The following CSMD1 variants were observed in gnomAD, a reference collection of about 807,000 sequenced individuals.
CSMD1 encodes CUB and Sushi multiple domains 1.
A neutral mutation model predicts 417.5 loss-of-function variants in CSMD1; 213 were observed. The observed-to-expected ratio is 0.51, with a 90% confidence interval of 0.46 to 0.57. The LOEUF (loss-of-function observed/expected upper bound fraction) is 0.57, where lower values mean the gene tolerates loss of function less well. CSMD1 is among the 20% of genes least tolerant of loss of function. The pLI is 0.00. For synonymous variants in CSMD1, 2,862 were observed against 1,736.8 expected (o/e 1.65, Z -16.11); for missense variants, 6,923 against 4,529.7 (o/e 1.53, Z -15.17).
At chr8:3,543,035 G>A (rs1798506419) in intron 10 of CSMD1, among the ~76,000 whole-genome samples, 1 of 152,210 alleles carries the variant, frequency 6.6e-6, no homozygotes, top group African/African-American at 2.4e-5. Flanking sequence ...GTTTGTGGGT[G>A]TGTTCTGTCT....
intron 37 of CSMD1, among the ~76,000 whole-genome samples, chr8:3,178,986 C>G (rs963733908): frequency 6.9e-6 from 1 of 145,706 alleles, no homozygotes; most frequent in Non-Finnish European, 1.5e-5. Context: ...CTCACTCTGT[C>G]ACCCAGGCTG....
At chr8:4,287,580 T>A (rs577224225) in intron 3 of CSMD1, among the ~76,000 whole-genome samples, 1 of 152,192 alleles carries the variant, frequency 6.6e-6, no homozygotes, top group Non-Finnish European at 1.5e-5. Context: ...CTGCAAGCTT[T>A]TATTACCTTC....
At chr8:4,470,626 T>C (rs780313534) in intron 2 of CSMD1, among the ~76,000 whole-genome samples, 7 of 152,346 alleles carry the variant, frequency 4.6e-5, no homozygotes, top group East Asian at 1.9e-4. Flanking sequence ...ATGGCTTTCC[T>C]GTACGTTAAC....
chr8:3,177,075 G>C (rs961609375), intron 37 of CSMD1, among the ~76,000 whole-genome samples: 1 of 152,092 alleles, frequency 6.6e-6, no homozygotes, highest in Non-Finnish European at 1.5e-5. Context: ...ACCATGCCCA[G>C]CTTGGTGACC....
chr8:4,693,558 C>T (rs772969717), intron 1 of CSMD1, among the ~76,000 whole-genome samples: 4 of 152,180 alleles, frequency 2.6e-5, no homozygotes, highest in Non-Finnish European at 4.4e-5. Context: ...TTTAAATATG[C>T]ATCAATCAAA....
At chr8:4,089,759 G>A (rs1467622896) in intron 3 of CSMD1, among the ~76,000 whole-genome samples, 2 of 152,066 alleles carry the variant, frequency 1.3e-5, no homozygotes, top group Non-Finnish European at 2.9e-5. Flanking sequence ...CATTAGTTTG[G>A]GGGTATTTTT....
At chr8:3,075,918 G>C (rs886959055) in intron 49 of CSMD1, among the ~76,000 whole-genome samples, 3 of 151,582 alleles carry the variant, frequency 2.0e-5, no homozygotes, top group African/African-American at 7.3e-5. Context: ...GGGCGTGGTG[G>C]CGGGCGCCTG....
At chr8:4,780,260 T>A (rs1347520695) in intron 1 of CSMD1, among the ~76,000 whole-genome samples, 1 of 152,240 alleles carries the variant, frequency 6.6e-6, no homozygotes, top group African/African-American at 2.4e-5. Flanking sequence ...GTGTGCAGAT[T>A]GGCATGCTTT....
At chr8:3,605,180 C>T (rs1412388324) in intron 8 of CSMD1, among the ~76,000 whole-genome samples, 2 of 152,118 alleles carry the variant, frequency 1.3e-5, no homozygotes, top group Non-Finnish European at 2.9e-5. Context: ...TTAGTAGAAA[C>T]AGGGTTTCCC....
intron 5 of CSMD1, among the ~76,000 whole-genome samples, chr8:3,907,429 T>C (rs535261789): frequency 6.6e-6 from 1 of 152,176 alleles, no homozygotes; most frequent in East Asian, 1.9e-4. Flanking sequence ...CTTAGAATTT[T>C]TAGAGATAAA....
At chr8:4,581,857 C>A (rs1001066036) in intron 2 of CSMD1, among the ~76,000 whole-genome samples, 3 of 152,216 alleles carry the variant, frequency 2.0e-5, no homozygotes, top group Admixed American at 1.3e-4. Flanking sequence ...AATCTCTGGA[C>A]TCTTCTACCT....
At chr8:3,013,050 C>G (rs541489455) in intron 52 of CSMD1, among the ~76,000 whole-genome samples, 2 of 152,272 alleles carry the variant, frequency 1.3e-5, no homozygotes, top group South Asian at 4.1e-4. Flanking sequence ...GATTGTGAAG[C>G]CTCCCCAGCC....
At chr8:4,113,160 G>A (rs969224176) in intron 3 of CSMD1, among the ~76,000 whole-genome samples, 2 of 151,794 alleles carry the variant, frequency 1.3e-5, no homozygotes, top group Non-Finnish European at 2.9e-5. Flanking sequence ...CTCCCTCCTC[G>A]GGCCTTCCTA....
chr8:4,698,927 C>G (rs986373300), intron 1 of CSMD1, among the ~76,000 whole-genome samples: 6 of 151,864 alleles, frequency 4.0e-5, no homozygotes, highest in Non-Finnish European at 7.4e-5. Context: ...CACACACACA[C>G]ACACACACAC....
In CSMD1 at chr8:3,647,964, C is replaced by T. The variant is rs550124220; in HGVS notation, c.1010-31167G>A. ...TGTGCCACTTCATAAAGCAGTGATG[C>T]TTGCTGTAAACAGCAGGATTTTTCG... On this transcript the variant is annotated intron_variant, in intron 7 of 69. Coordinates refer to ENST00000635120, the MANE Select transcript of CSMD1 (RefSeq NM_033225.6). 3.9e-4 allele frequency among the ~76,000 whole-genome samples: 59 copies of T among 152,346 alleles called. 1 individual carries two copies. Among genetic ancestry groups the T allele is most frequent in the African/African-American group, 7.0e-4 (29 of 41,572 alleles).
chr8:3,406,813 G>C (rs760850959), intron 14 of CSMD1, among the ~76,000 whole-genome samples: 34 of 152,170 alleles, frequency 2.2e-4, no homozygotes, highest in Admixed American at 1.7e-3. Context: ...CATTTAAGTA[G>C]ATATTCTTAC....
chr8:4,258,643 T>C (rs1326086341), intron 3 of CSMD1, among the ~76,000 whole-genome samples: 1 of 128,944 alleles, frequency 7.8e-6, no homozygotes, highest in Non-Finnish European at 1.7e-5. Context: ...GGGCCCCACC[T>C]ACCCTCAGAA....
At chr8:3,224,271 T>G (rs1303527787) in intron 27 of CSMD1, among the ~76,000 whole-genome samples, 1 of 152,218 alleles carries the variant, frequency 6.6e-6, no homozygotes, top group African/African-American at 2.4e-5. Flanking sequence ...TATGGCCATG[T>G]TAATTATTTT....
chr8:3,792,558 G>A (rs1563084286), intron 5 of CSMD1, among the ~76,000 whole-genome samples: 1 of 152,082 alleles, frequency 6.6e-6, no homozygotes, highest in Admixed American at 6.6e-5. Context: ...AGTAACTTTG[G>A]AATTGACTCC....
Sources: gnomAD v4.1 joint callset for allele counts (sites outside exome capture counted in the v4.1 genomes callset) on GRCh38, gnomAD v4.1.1 for gene constraint, MANE v1.5 for transcripts, NCBI Gene and HGNC (gene_info 2026-07-23, HGNC 2026-07-21) for gene names.